Variants in NTM observed in about 807,000 individuals in gnomAD.
The protein encoded by NTM is neurotrimin.
NTM carries 13 observed loss-of-function variants against 42.1 expected under a neutral mutation model. The ratio of observed to expected loss-of-function variants is 0.31; its 90% CI spans 0.20 to 0.49. The LOEUF (loss-of-function observed/expected upper bound fraction) is 0.49, where lower values mean the gene tolerates loss of function less well. NTM is among the 20% of genes least tolerant of loss of function. The probability of loss-of-function intolerance (pLI) is 0.99; values close to 1 mark genes in which losing one functional copy is unlikely to be tolerated. For synonymous variants in NTM, 187 were observed against 179.2 expected (o/e 1.04, Z -0.35); for missense variants, 373 against 452.8 (o/e 0.82, Z 1.60).
chr11:131,793,321 G>A (rs930347613), intron 1 of NTM, among the ~76,000 whole-genome samples: 2 of 152,316 alleles, frequency 1.3e-5, no homozygotes, highest in East Asian at 3.9e-4. Flanking sequence ...TTTGTGAGGT[G>A]AAAGACCATC....
chr11:131,783,907 A>C (rs979442773), intron 1 of NTM, among the ~76,000 whole-genome samples: 3 of 152,238 alleles, frequency 2.0e-5, no homozygotes, highest in African/African-American at 7.2e-5. Flanking sequence ...TTGTAACCAT[A>C]ATCTATAAAA....
chr11:132,222,244 C>A (rs1159083006), intron 4 of NTM, among the ~76,000 whole-genome samples: 1 of 152,198 alleles, frequency 6.6e-6, no homozygotes, highest in Admixed American at 6.5e-5. Context: ...GTCAACCTTT[C>A]TCTTTCCTCT....
At chr11:131,767,698 GA>G (rs1413810363) in intron 1 of NTM, among the ~76,000 whole-genome samples, 26 of 152,330 alleles carry the variant, frequency 1.7e-4, no homozygotes, top group African/African-American at 6.3e-4. Context: ...CCAGCATCCA[GA>G]ACTGTGAGAA....
At chr11:131,459,701 C>T (rs1054257557) in intron 1 of NTM, among the ~76,000 whole-genome samples, 3 of 152,092 alleles carry the variant, frequency 2.0e-5, no homozygotes, top group Non-Finnish European at 2.9e-5. Flanking sequence ...TGAATTTGTA[C>T]CTAGTTGAAT....
chr11:131,958,526 T>C (rs1211680926), intron 2 of NTM, among the ~76,000 whole-genome samples: 1 of 152,246 alleles, frequency 6.6e-6, no homozygotes, highest in Non-Finnish European at 1.5e-5. Context: ...TTCTGTGCTG[T>C]CAACCTGGAA....
At chr11:131,516,484 T>A (rs1003940519) in intron 1 of NTM, among the ~76,000 whole-genome samples, 3 of 152,130 alleles carry the variant, frequency 2.0e-5, no homozygotes, top group African/African-American at 7.2e-5. Flanking sequence ...TTCAAGAGAT[T>A]CTCCTGCCTC....
At chr11:131,841,995 C>T (rs912238474) in intron 1 of NTM, among the ~76,000 whole-genome samples, 6 of 152,236 alleles carry the variant, frequency 3.9e-5, no homozygotes, top group African/African-American at 4.8e-5. Context: ...TTCCCCACTA[C>T]TGTCAAATTC....
chr11:132,088,118 G>T lies in NTM; in HGVS notation c.168-58164G>T, dbSNP rs371540925. Among the ~76,000 whole-genome samples, 12 of 152,326 alleles carry T rather than the reference G, an allele frequency of 7.9e-5. 1 individual carries two copies. Among genetic ancestry groups the T allele is most frequent in the African/African-American group, 2.9e-4 (12 of 41,572 alleles). On this transcript the variant is annotated intron_variant, in intron 2 of 8. Coordinates refer to ENST00000683400, the MANE Select transcript of NTM (RefSeq NM_001352005.2). ...CACACCTGTGGCCATTGGGATGGTG[G>T]TGGAACACCCCCAATATTGTAAAAG...
At chr11:131,510,809 G>T (rs185723371) in intron 1 of NTM, among the ~76,000 whole-genome samples, 3 of 152,222 alleles carry the variant, frequency 2.0e-5, no homozygotes, top group Non-Finnish European at 4.4e-5. Context: ...GGGTCTGTGG[G>T]GGTGCTGGTG....
chr11:131,474,440 A>G (rs1056713882), intron 1 of NTM, among the ~76,000 whole-genome samples: 26 of 152,000 alleles, frequency 1.7e-4, no homozygotes, highest in Admixed American at 6.6e-4. Context: ...TAATTCCCCA[A>G]TCTTGATCTC....
chr11:131,771,745 A>G (rs1049941964), intron 1 of NTM: 3 of 152,204 alleles, frequency 2.0e-5, no homozygotes, highest in Non-Finnish European at 4.4e-5. Flanking sequence ...GAGGGAGTAC[A>G]GTATAGAGCC....
chr11:131,647,058 C>T (rs78990450), intron 1 of NTM, among the ~76,000 whole-genome samples: 3,572 of 152,262 alleles, frequency 0.023, 149 homozygotes, highest in African/African-American at 0.082. Context: ...GTTTACTCTT[C>T]GTACCCTGGC....
intron 1 of NTM, among the ~76,000 whole-genome samples, chr11:131,896,083 C>T (rs2052218626): frequency 1.3e-5 from 2 of 152,330 alleles, no homozygotes; most frequent in Admixed American, 1.3e-4. Context: ...GCCACTGAAA[C>T]TTCCTACATA....
At chr11:132,062,436 T>G (rs1161148030) in intron 2 of NTM, among the ~76,000 whole-genome samples, 1 of 152,090 alleles carries the variant, frequency 6.6e-6, no homozygotes, top group Non-Finnish European at 1.5e-5. Flanking sequence ...TAATTGAGAT[T>G]TTATAAAAGG....
chr11:131,996,205 T>A (rs2067986842), intron 2 of NTM, among the ~76,000 whole-genome samples: 1 of 152,118 alleles, frequency 6.6e-6, no homozygotes, highest in African/African-American at 2.4e-5. Context: ...GTGTTTTAAG[T>A]ACAGGATGCT....
At chr11:131,724,954 G>A (rs942493117) in intron 1 of NTM, among the ~76,000 whole-genome samples, 10 of 152,164 alleles carry the variant, frequency 6.6e-5, no homozygotes, top group Non-Finnish European at 1.0e-4. Flanking sequence ...GAGGGGCTCC[G>A]GATGTTCAGG....
chr11:132,157,183 A>C (rs1036133728), intron 3 of NTM, among the ~76,000 whole-genome samples: 3 of 152,244 alleles, frequency 2.0e-5, no homozygotes, highest in Non-Finnish European at 4.4e-5. Context: ...AATGTGTTAT[A>C]GAAAAAGGAA....
chr11:132,330,327 C>G, intron 8 of NTM, 142 bp downstream of exon 8: 2 of 880,174 alleles, frequency 2.3e-6, no homozygotes, highest in Admixed American at 5.5e-5. Context: ...TCAACCATCT[C>G]CGTGTCAATT....
At chr11:131,795,919 G>A (rs1337069509) in intron 1 of NTM, 2 of 978,408 alleles carry the variant, frequency 2.0e-6, no homozygotes, top group African/African-American at 1.8e-5. Flanking sequence ...ATTGGAGTAA[G>A]CGATGCCTGA....
Sources: allele counts gnomAD v4.1 joint callset (sites outside exome capture counted in the v4.1 genomes callset), GRCh38; gene constraint gnomAD v4.1.1; transcripts MANE v1.5; gene names NCBI Gene and HGNC (gene_info 2026-07-23, HGNC 2026-07-21).